The following SATB2 variants were observed in gnomAD, a reference collection of about 807,000 sequenced individuals.
The protein encoded by SATB2 is DNA-binding protein SATB2.
Under a neutral mutation model 73.4 loss-of-function variants are expected in SATB2, and 1 was observed. That is an observed-to-expected ratio of 0.01 (90% CI 0.00 to 0.06). The LOEUF (loss-of-function observed/expected upper bound fraction) is 0.06. Among genes scored for constraint, SATB2 ranks in the 10% least tolerant of loss-of-function variants. SATB2 has a pLI of 1.00. For missense variants in SATB2, 459 were observed against 945.8 expected (o/e 0.49, Z 6.75); for synonymous variants, 397 against 367.0 (o/e 1.08, Z -0.93).
intron 3 of SATB2, among the ~76,000 whole-genome samples, chr2:199,392,610 G>C (rs1378591243): frequency 6.6e-6 from 1 of 152,108 alleles, no homozygotes; most frequent in Non-Finnish European, 1.5e-5. Flanking sequence ...TTTGTTTGAA[G>C]AGCAGCAGCC....
At chr2:199,440,852 C>CTTTT (rs11291122) in intron 2 of SATB2, among the ~76,000 whole-genome samples, 4 of 143,782 alleles carry the variant, frequency 2.8e-5, no homozygotes, top group African/African-American at 1.0e-4. Flanking sequence ...ATCATAATTA[C>CTTTT]TTTTTTTTTT....
intron 10 of SATB2, among the ~76,000 whole-genome samples, chr2:199,275,915 A>C (rs1692299773): frequency 6.6e-6 from 1 of 152,156 alleles, no homozygotes; most frequent in Admixed American, 6.5e-5. Flanking sequence ...CTTTGGCTAT[A>C]AGTCCCTTTC....
intron 9 of SATB2, among the ~76,000 whole-genome samples, chr2:199,316,287 CT>C (rs1687734280): frequency 6.6e-6 from 1 of 151,990 alleles, no homozygotes; most frequent in Non-Finnish European, 1.5e-5. Flanking sequence ...AATAAACCCC[CT>C]AATGACTCAA....
intron 9 of SATB2, among the ~76,000 whole-genome samples, chr2:199,317,850 A>G (rs1190754511): frequency 1.3e-5 from 2 of 152,072 alleles, no homozygotes; most frequent in African/African-American, 2.4e-5. Flanking sequence ...CACTATGTTC[A>G]CACCACTTAG....
chr2:199,351,876 G>T (rs2105827440), intron 6 of SATB2, among the ~76,000 whole-genome samples: 1 of 152,028 alleles, frequency 6.6e-6, no homozygotes, highest in African/African-American at 2.4e-5. Flanking sequence ...TTTTTTGGTG[G>T]GGGGAGGGGC....
intron 10 of SATB2, among the ~76,000 whole-genome samples, chr2:199,306,264 T>C (rs899849669): frequency 6.6e-6 from 1 of 152,198 alleles, no homozygotes; most frequent in Non-Finnish European, 1.5e-5. Context: ...CTTTTCATAT[T>C]ATGACTGTAA....
At chr2:199,411,220 GA>G (rs1208795404) in intron 3 of SATB2, among the ~76,000 whole-genome samples, 4,844 of 127,692 alleles carry the variant, frequency 0.038, 131 homozygotes, top group African/African-American at 0.09. Flanking sequence ...CCAGAAAAAA[GA>G]AAAAAAAAAA....
chr2:199,424,794 T>C (rs1366969429), intron 3 of SATB2, among the ~76,000 whole-genome samples: 1 of 152,196 alleles, frequency 6.6e-6, no homozygotes, highest in Non-Finnish European at 1.5e-5. Flanking sequence ...TTACTGTCCA[T>C]TATGAATGCC....
At chr2:199,323,476 T>TATAG (rs10653288) in intron 9 of SATB2, among the ~76,000 whole-genome samples, 3 of 142,754 alleles carry the variant, frequency 2.1e-5, no homozygotes, top group African/African-American at 7.9e-5. Context: ...GTTTTGTTCA[T>TATAG]ACACACACAC....
chr2:199,273,760 T>A (rs1339236002), intron 10 of SATB2, among the ~76,000 whole-genome samples: 1 of 152,194 alleles, frequency 6.6e-6, no homozygotes, highest in African/African-American at 2.4e-5. Flanking sequence ...GTTTTCTAGT[T>A]GTAATTTAAA....
intron 9 of SATB2, among the ~76,000 whole-genome samples, chr2:199,315,963 T>C (rs1410401349): frequency 2.0e-5 from 3 of 152,094 alleles, no homozygotes; most frequent in Non-Finnish European, 4.4e-5. Context: ...GAATGACTCA[T>C]AGATTCTTGC....
intron 8 of SATB2, among the ~76,000 whole-genome samples, chr2:199,326,754 T>C (rs1688039964): frequency 6.6e-6 from 1 of 152,204 alleles, no homozygotes; most frequent in South Asian, 2.1e-4. Flanking sequence ...TAGCTCAGTA[T>C]GTATGTCCCC....
At chr2:199,408,329 T>C (rs2105899864) in intron 3 of SATB2, among the ~76,000 whole-genome samples, 1 of 152,290 alleles carries the variant, frequency 6.6e-6, no homozygotes, top group South Asian at 2.1e-4. Flanking sequence ...TATATATGTA[T>C]ACACATAATT....
chr2:199,404,021 A>T (rs1690562034), intron 3 of SATB2, among the ~76,000 whole-genome samples: 1 of 152,232 alleles, frequency 6.6e-6, no homozygotes, highest in Non-Finnish European at 1.5e-5. Flanking sequence ...GGAACAAATG[A>T]GCAAGTAAAT....
chr2:199,364,948 C>T (rs1238546711), intron 6 of SATB2, among the ~76,000 whole-genome samples: 1 of 151,998 alleles, frequency 6.6e-6, no homozygotes, highest in Non-Finnish European at 1.5e-5. Context: ...ATGATTGCCA[C>T]TTCATTTCAT....
At chr2:199,450,393 G>C (rs1692089565) in intron 2 of SATB2, among the ~76,000 whole-genome samples, 1 of 152,016 alleles carries the variant, frequency 6.6e-6, no homozygotes, top group Non-Finnish European at 1.5e-5. Context: ...ATGTAAGGAA[G>C]ATAGTAAAAA....
At chr2:199,303,362 G>A (rs1687338985) in intron 10 of SATB2, among the ~76,000 whole-genome samples, 1 of 152,152 alleles carries the variant, frequency 6.6e-6, no homozygotes, top group African/African-American at 2.4e-5. Flanking sequence ...AGAGAAGAAG[G>A]AAAAGGAGGA....
At chr2:199,435,641 G>T (rs1191444471) in intron 2 of SATB2, among the ~76,000 whole-genome samples, 7 of 152,110 alleles carry the variant, frequency 4.6e-5, no homozygotes, top group African/African-American at 1.7e-4. Context: ...ACCGTGCCTG[G>T]CCCCAAATTA....
chr2:199,280,618 T>C (rs1390172243), intron 10 of SATB2, among the ~76,000 whole-genome samples: 1 of 152,082 alleles, frequency 6.6e-6, no homozygotes, highest in Non-Finnish European at 1.5e-5. Context: ...GGTGGCTGTC[T>C]TTTACGATCA....
Sources: gnomAD v4.1 joint callset for allele counts (sites outside exome capture counted in the v4.1 genomes callset) on GRCh38, gnomAD v4.1.1 for gene constraint, MANE v1.5 for transcripts, NCBI Gene and HGNC (gene_info 2026-07-23, HGNC 2026-07-21) for gene names.